The following FHOD3 variants were observed in gnomAD, a reference collection of about 807,000 sequenced individuals.
The protein encoded by FHOD3 is formin homology 2 domain containing 3.
In FHOD3, 90 loss-of-function variants were observed where a neutral mutation model predicts 173.0. That is an observed-to-expected ratio of 0.52 (90% confidence interval 0.44 to 0.62). The LOEUF is 0.62. Among genes scored for constraint, FHOD3 ranks in the 20% least tolerant of loss-of-function variants. The probability of loss-of-function intolerance (pLI) is 0.00; values close to 1 mark genes in which losing one functional copy is unlikely to be tolerated. For synonymous variants in FHOD3, 828 were observed against 823.0 expected, an observed-to-expected ratio of 1.01 and a Z score of -0.10; for missense variants, 1,945 against 2,034.7, an observed-to-expected ratio of 0.96 and a Z score of 0.85.
At chr18:36,411,148 C>A (rs1302176456) in intron 3 of FHOD3, among the ~76,000 whole-genome samples, 1 of 152,138 alleles carries the variant, frequency 6.6e-6, no homozygotes, top group African/African-American at 2.4e-5. Flanking sequence ...TTAGCTCTTA[C>A]ATTTAGGTCT....
chr18:36,524,281 CA>C (rs34510109), intron 5 of FHOD3, among the ~76,000 whole-genome samples: 49,687 of 111,758 alleles, frequency 0.44, 9,197 homozygotes, highest in South Asian at 0.52. Context: ...GGCTCTACCT[CA>C]AAAAAAAAAA....
chr18:36,340,646 CT>C (rs71381567), intron 1 of FHOD3, among the ~76,000 whole-genome samples: 84,461 of 142,030 alleles, frequency 0.59, 28,069 homozygotes, highest in Middle Eastern at 0.79. Context: ...CTTTTTTTTT[CT>C]TTTTTTTCAG....
chr18:36,506,497 C>T (rs148128806), intron 4 of FHOD3, among the ~76,000 whole-genome samples: 2 of 152,282 alleles, frequency 1.3e-5, no homozygotes, highest in East Asian at 1.9e-4. Flanking sequence ...TGATGTCTGA[C>T]CTCCTTGTAA....
intron 3 of FHOD3, among the ~76,000 whole-genome samples, chr18:36,407,032 C>T (rs1276124036): frequency 4.6e-5 from 7 of 152,186 alleles, no homozygotes; most frequent in African/African-American, 1.4e-4. Flanking sequence ...ACAGTGTAAT[C>T]GCATCATGTG....
At chr18:36,551,458 A>G (rs1404704305) in intron 5 of FHOD3, among the ~76,000 whole-genome samples, 2 of 151,892 alleles carry the variant, frequency 1.3e-5, no homozygotes, top group African/African-American at 4.8e-5. Context: ...CTTTAATTTA[A>G]TTTGATTAAT....
intron 14 of FHOD3, among the ~76,000 whole-genome samples, chr18:36,674,786 T>C (rs2037742381): frequency 6.6e-6 from 1 of 152,052 alleles, no homozygotes; most frequent in African/African-American, 2.4e-5. Context: ...AAGACAAACA[T>C]GTAAAGCTGT....
chr18:36,554,278 AC>A (rs1398016283), intron 5 of FHOD3, among the ~76,000 whole-genome samples: 1 of 152,228 alleles, frequency 6.6e-6, no homozygotes, highest in Non-Finnish European at 1.5e-5. Flanking sequence ...AAAATGTGGC[AC>A]ATATACACCA....
At chr18:36,516,144 G>T (rs779238487) in intron 5 of FHOD3, among the ~76,000 whole-genome samples, 1 of 151,912 alleles carries the variant, frequency 6.6e-6, no homozygotes, top group Non-Finnish European at 1.5e-5. Flanking sequence ...ATAACTGCTG[G>T]CAGCCACTGG....
At chr18:36,457,269 T>C (rs957049701) in intron 3 of FHOD3, among the ~76,000 whole-genome samples, 2 of 152,090 alleles carry the variant, frequency 1.3e-5, no homozygotes, top group African/African-American at 4.8e-5. Context: ...ATGCTGGACT[T>C]GCGTTTTTTA....
intron 14 of FHOD3, among the ~76,000 whole-genome samples, chr18:36,677,047 C>T (rs918226844): frequency 1.3e-5 from 2 of 151,888 alleles, no homozygotes; most frequent in African/African-American, 4.8e-5. Context: ...GCTCTTTGGT[C>T]TAAAAAAACT....
chr18:36,592,251 G>A (rs1283291742), intron 6 of FHOD3, among the ~76,000 whole-genome samples: 1 of 152,156 alleles, frequency 6.6e-6, no homozygotes, highest in Non-Finnish European at 1.5e-5. Flanking sequence ...TGATGTGTTA[G>A]TGACCAAGGG....
intron 3 of FHOD3, among the ~76,000 whole-genome samples, chr18:36,479,280 A>G (rs2053753251): frequency 6.6e-6 from 1 of 152,236 alleles, no homozygotes; most frequent in South Asian, 2.1e-4. Flanking sequence ...TCTGACAGGT[A>G]CTATACATTG....
intron 16 of FHOD3, among the ~76,000 whole-genome samples, chr18:36,689,794 C>T (rs2038849144): frequency 6.6e-6 from 1 of 151,866 alleles, no homozygotes; most frequent in African/African-American, 2.4e-5. Flanking sequence ...GCTATGGGAA[C>T]AAAGTGCAAA....
intron 24 of FHOD3, among the ~76,000 whole-genome samples, chr18:36,754,295 T>C (rs1008975915): frequency 6.6e-6 from 1 of 152,080 alleles, no homozygotes; most frequent in East Asian, 1.9e-4. Flanking sequence ...TGATCAAAAT[T>C]TTTTGTCTAT....
chr18:36,499,508 T>A (rs924159654), intron 3 of FHOD3, among the ~76,000 whole-genome samples: 4 of 152,220 alleles, frequency 2.6e-5, no homozygotes, highest in Non-Finnish European at 5.9e-5. Flanking sequence ...TGGCCCATGC[T>A]TTCACTTGAT....
At chr18:36,306,643 G>A (rs1198441456) in intron 1 of FHOD3, among the ~76,000 whole-genome samples, 4 of 152,278 alleles carry the variant, frequency 2.6e-5, no homozygotes, top group East Asian at 1.9e-4. Context: ...CAAAGTCCTC[G>A]AGTAGTTGGT....
chr18:36,323,102 C>T (rs1333458517), intron 1 of FHOD3, among the ~76,000 whole-genome samples: 1 of 152,152 alleles, frequency 6.6e-6, no homozygotes, highest in Non-Finnish European at 1.5e-5. Flanking sequence ...GAGAGGGTGG[C>T]TGCGAGCCTG....
At chr18:36,563,510 C>T (rs1258482870) in intron 5 of FHOD3, among the ~76,000 whole-genome samples, 2 of 152,192 alleles carry the variant, frequency 1.3e-5, no homozygotes, top group Admixed American at 6.5e-5. Context: ...GAACAGCCAA[C>T]CATCAGCCAC....
intron 19 of FHOD3, among the ~76,000 whole-genome samples, chr18:36,727,638 CTGACTTA>C (rs1390504084): frequency 1.3e-5 from 2 of 152,168 alleles, no homozygotes; most frequent in African/African-American, 2.4e-5. Context: ...GCACCCCTCC[CTGACTTA>C]GAGGGGTGTG....
Sources: allele counts gnomAD v4.1 joint callset (sites outside exome capture counted in the v4.1 genomes callset), GRCh38; gene constraint gnomAD v4.1.1; transcripts MANE v1.5; gene names NCBI Gene and HGNC (gene_info 2026-07-23, HGNC 2026-07-21).